PLXNB2: variants seen among roughly 807,000 people sequenced by gnomAD.
The protein encoded by PLXNB2 is plexin B2.
A neutral mutation model predicts 202.6 loss-of-function variants in PLXNB2; 85 were observed. That is an observed-to-expected ratio of 0.42 (90% CI 0.35 to 0.50). PLXNB2 has a LOEUF of 0.50. Ranked by LOEUF, PLXNB2 falls within the 20% of genes least tolerant of loss-of-function variation. The pLI is 0.02. For synonymous variants in PLXNB2, 1,239 were observed against 1,137.6 expected (o/e 1.09, Z -1.79); for missense variants, 2,063 against 2,586.2 (o/e 0.80, Z 4.39).
chr22:50,293,391 G>A (rs996705869), intron 2 of PLXNB2, among the ~76,000 whole-genome samples: 16 of 152,138 alleles, frequency 1.1e-4, no homozygotes, highest in Non-Finnish European at 2.2e-4. Flanking sequence ...ACAGCCACCC[G>A]GGGGCAGGTC....
At position 50,291,431 on chromosome 22, in the gene PLXNB2, G is replaced by A. The variant is rs1017393030; in HGVS notation, c.-13-834C>T. Among the ~76,000 whole-genome samples, 6 of 152,136 alleles carry A rather than the reference G, an allele frequency of 3.9e-5. No individual in the cohort carries two copies. Among genetic ancestry groups the A allele is most frequent in the African/African-American group, 7.2e-5 (3 of 41,430 alleles). On this transcript the variant is annotated intron_variant, in intron 2 of 36. Coordinates refer to ENST00000359337, the MANE Select transcript of PLXNB2 (RefSeq NM_012401.4). This position sits in a 1 kb window ranked among gnomAD's most constrained non-coding sequence, Gnocchi z 4.3. Reference sequence around the variant, plus strand: ...GCGTGTGTGTAACTGAGCACGTCTCGGTGTGGGGTCTGTGCCTGGGTCCGG... The same window carrying A: ...GCGTGTGTGTAACTGAGCACGTCTCAGTGTGGGGTCTGTGCCTGGGTCCGG...
intron 1 of PLXNB2, among the ~76,000 whole-genome samples, chr22:50,304,225 G>A (rs2076638942): frequency 6.6e-6 from 1 of 152,192 alleles, no homozygotes; most frequent in South Asian, 2.1e-4. Flanking sequence ...ACCACCAGGG[G>A]CAGCCTGTCC....
Position 50,284,331 on chromosome 22 carries a change from G to A in PLXNB2, c.2182-118C>T. 2.0e-6 allele frequency: 2 copies of A among 1,000,322 alleles called. No individual in the cohort carries two copies. The highest frequency in any genetic ancestry group is 1.3e-5 in the South Asian group (1 of 75,496). 62.0% of individuals were successfully genotyped at this position (1,000,322 alleles called of 1,614,324 possible). On this transcript the variant is annotated intron_variant, in intron 12 of 36. Transcript: ENST00000359337. This position sits in a 1 kb window ranked among gnomAD's most constrained non-coding sequence, Gnocchi z 8.0. Reference sequence around the variant, plus strand: ...TCCCTTCCCAGCCAAGGGCAGCAGGGGAGGCCTTCAGGTGTCGGAAGTTCG... The same window carrying A: ...TCCCTTCCCAGCCAAGGGCAGCAGGAGAGGCCTTCAGGTGTCGGAAGTTCG...
chr22:50,301,791 G>A (rs1294511969), intron 1 of PLXNB2, among the ~76,000 whole-genome samples: 1 of 152,232 alleles, frequency 6.6e-6, no homozygotes, highest in Admixed American at 6.5e-5. Context: ...CTCCCCGTCA[G>A]CCTGTCAGCG....
rs1601735322 is a variant in PLXNB2, at chr22:50,291,822, G to A, written c.-13-1225C>T. Among the ~76,000 whole-genome samples, 1 of 152,080 alleles carries A rather than the reference G, an allele frequency of 6.6e-6. No individual in the cohort carries two copies. The highest frequency in any genetic ancestry group is 1.5e-5 in the Non-Finnish European group (1 of 67,996). ...TTCCCTGAGTGCACCAGTACGGGGGGCTCCCAGGTGTCCAGGGCAGCCCTG... is the reference window on the plus strand; with the variant it reads ...TTCCCTGAGTGCACCAGTACGGGGGACTCCCAGGTGTCCAGGGCAGCCCTG... On this transcript the variant is annotated intron_variant, in intron 2 of 36. Coordinates refer to ENST00000359337, the MANE Select transcript of PLXNB2 (RefSeq NM_012401.4). This position sits in a 1 kb window ranked among gnomAD's most constrained non-coding sequence, Gnocchi z 4.3.
intron 1 of PLXNB2, among the ~76,000 whole-genome samples, chr22:50,305,648 C>T (rs2067857507): frequency 6.6e-6 from 1 of 152,196 alleles, no homozygotes; most frequent in South Asian, 2.1e-4. Context: ...CTGAGGGAAA[C>T]CCCAGTGCCC....
chr22:50,283,675 CT>C lies in PLXNB2; in HGVS notation c.2496del (p.Asp834ThrfsTer28). On this transcript the variant is annotated frameshift_variant, in exon 15 of 37. Transcript: ENST00000359337. LOFTEE classifies it high-confidence loss of function. ...GCCACAGAGATCCTCTGGATGTCCC[CT>C]GCTTGGACGCCCAAATTGGACCCCA... ...TILGSNLGVQ[A>X]GDIQRISVAG... 1 of 1,613,188 alleles carries C rather than the reference CT, an allele frequency of 6.2e-7. No individual in the cohort carries two copies. Among genetic ancestry groups the C allele is most frequent in the Non-Finnish European group, 8.5e-7 (1 of 1,179,980 alleles).
At chr22:50,281,288 G>A (rs1406126616) in intron 22 of PLXNB2, 72 bp downstream of exon 22, 10 of 1,585,868 alleles carry the variant, frequency 6.3e-6, no homozygotes. Flanking sequence ...CAGGGCGGCG[G>A]ATGAGGCCAG....
intron 1 of PLXNB2, among the ~76,000 whole-genome samples, chr22:50,302,374 A>C (rs944659762): frequency 6.6e-6 from 1 of 152,076 alleles, no homozygotes; most frequent in African/African-American, 2.4e-5. Flanking sequence ...CCGTGGCTGG[A>C]GCTGTGTGGG....
At position 50,280,647 on chromosome 22, in the gene PLXNB2, C is replaced by T; in HGVS notation, c.4017G>A (p.Gln1339=). ...CCTTGGCGCGGGCCGAGAACTCCCG[C>T]TGGTTCTCCAGGGTGTGGATGAACT... ...LINFIHTLEN[Q]REFSARAKVY... The change falls in exon 25 of 37, where the codon CAG becomes CAA. Residue 1339 remains glutamine (Q), a synonymous_variant. Transcript: ENST00000359337. The T allele has an allele frequency of 1.9e-6, 3 of 1,612,544 alleles. No homozygotes were observed. The highest frequency in any genetic ancestry group is 2.5e-6 in the Non-Finnish European group (3 of 1,179,814).
intron 11 of PLXNB2, chr22:50,285,016 C>CCT (rs2066319438): frequency 2.3e-6 from 1 of 436,976 alleles, no homozygotes; most frequent in African/African-American, 2.0e-5. Flanking sequence ...TCCTCCACTG[C>CCT]CTCTCTTCAG....
At position 50,288,941 on chromosome 22, in the gene PLXNB2, G is replaced by A. The variant is rs755050343; in HGVS notation, c.1251+19C>T. The A allele has an allele frequency of 6.2e-6, 10 of 1,605,920 alleles. No individual in the cohort carries two copies. The highest frequency in any genetic ancestry group is 4.5e-5 in the East Asian group (2 of 44,622). On this transcript the variant is annotated intron_variant, in intron 4 of 36. Transcript: ENST00000359337. The surrounding 1 kb of genome is among the most constrained non-coding windows in gnomAD (Gnocchi z 5.0). Reference sequence around the variant, plus strand: ...CAGACGGGCCCTCCAGAGCCTCCCCGCCCCAGCCTGGGCCAAACCTTGAGG... The same window carrying A: ...CAGACGGGCCCTCCAGAGCCTCCCCACCCCAGCCTGGGCCAAACCTTGAGG...
chr22:50,287,854 G>C lies in PLXNB2; in HGVS notation c.1482-61C>G, dbSNP rs540133511. ...AGTCTTGTTCTCCCGGGACAGGACA[G>C]TGCGATGTGCCCCCCGACCCAGGCC... On this transcript the variant is annotated intron_variant, in intron 6 of 36. Coordinates refer to ENST00000359337, the MANE Select transcript of PLXNB2 (RefSeq NM_012401.4). 1.5e-4 allele frequency: 235 copies of C among 1,595,372 alleles called. No homozygotes were observed. The East Asian group carries it at 4.6e-3, about 31-fold the overall frequency.
intron 18 of PLXNB2, 42 bp downstream of exon 18, chr22:50,282,669 G>A (rs780808276): frequency 2.1e-6 from 3 of 1,421,060 alleles, no homozygotes; most frequent in African/African-American, 2.8e-5. Context: ...GGAGGCAGCT[G>A]GGTGTGGGGA....
Position 50,280,998 on chromosome 22 carries a change from T to C in PLXNB2, c.3764-25A>G, listed in dbSNP as rs1230645577. The C allele has an allele frequency of 1.9e-6, 3 of 1,608,338 alleles. No individual in the cohort carries two copies. In the East Asian group the frequency reaches 6.7e-5, roughly 36 times the overall value. ...TCTGGGGGGAGGCTGGCGTGAGACG[T>C]CCCTGGCCACGTGGGGCCCTGACCC... On this transcript the variant is annotated intron_variant, in intron 23 of 36. Transcript: ENST00000359337.
Position 50,275,790 on chromosome 22 carries a change from C to T in PLXNB2, c.5431G>A (p.Glu1811Lys), listed in dbSNP as rs1569153963. Residue 1811 changes from glutamate (E) to lysine (K), a missense_variant, in exon 37 of 37, where the codon GAG becomes AAG. By Grantham distance (56) the Glu-to-Lys change is moderately conservative (BLOSUM62 1). Transcript: ENST00000359337. ...TGCATCTTCTGGGCGGCAGGATCCT[C>T]CTCCAAGGCATTGATGATCTGAGGG... ...YYDEIINALE[E>K]DPAAQKMQLA... 3 of 1,612,364 alleles carry T rather than the reference C, an allele frequency of 1.9e-6. No individual in the cohort carries two copies. Among genetic ancestry groups the T allele is most frequent in the African/African-American group, 1.3e-5 (1 of 75,008 alleles).
chr22:50,282,938 C>A (rs113816146), intron 17 of PLXNB2, 57 bp from the exon 18 acceptor site: 1 of 1,562,502 alleles, frequency 6.4e-7, no homozygotes, highest in Non-Finnish European at 8.7e-7. Flanking sequence ...CAGCCCCAGC[C>A]CGACCAGGCT....
intron 1 of PLXNB2, among the ~76,000 whole-genome samples, chr22:50,305,483 A>G (rs1010830810): frequency 3.3e-5 from 5 of 152,140 alleles, no homozygotes; most frequent in African/African-American, 1.2e-4. Flanking sequence ...ACATAGACCT[A>G]TCTCTGGCCT....
chr22:50,288,893 G>A lies in PLXNB2; in HGVS notation c.1252-22C>T, dbSNP rs749082527. On this transcript the variant is annotated intron_variant, in intron 4 of 36. Coordinates refer to ENST00000359337, the MANE Select transcript of PLXNB2 (RefSeq NM_012401.4). The surrounding 1 kb of genome is among the most constrained non-coding windows in gnomAD (Gnocchi z 5.0). Reference sequence around the variant, plus strand: ...ACACCTGTGTGCGCGAGGGCAGGCCGGTGAGGGTACGGGCCTTGTGCACAG... The same window carrying A: ...ACACCTGTGTGCGCGAGGGCAGGCCAGTGAGGGTACGGGCCTTGTGCACAG... 39 of 1,612,744 alleles carry A rather than the reference G, an allele frequency of 2.4e-5. No homozygotes were observed. The highest frequency in any genetic ancestry group is 5.3e-5 in the African/African-American group (4 of 74,918).
Sources: gnomAD v4.1 joint callset for allele counts (sites outside exome capture counted in the v4.1 genomes callset) on GRCh38, gnomAD v4.1.1 for gene constraint, Gnocchi (gnomAD v3.1) non-coding constraint, MANE v1.5 for transcripts, NCBI Gene and HGNC (gene_info 2026-07-23, HGNC 2026-07-21) for gene names.